Variants in EGFLAM observed in about 807,000 individuals in gnomAD.
EGFLAM encodes the protein pikachurin.
Under a neutral mutation model 113.1 loss-of-function variants are expected in EGFLAM, and 79 were observed. The ratio of observed to expected loss-of-function variants is 0.70; its 90% CI spans 0.58 to 0.84. EGFLAM has a LOEUF of 0.84. Among genes scored for constraint, EGFLAM ranks in the 40% least tolerant of loss-of-function variants. The pLI is 0.00. For synonymous variants in EGFLAM, 504 were observed against 487.6 expected (o/e 1.03, Z -0.44); for missense variants, 1,265 against 1,291.6 (o/e 0.98, Z 0.32).
At chr5:38,337,463 T>C in intron 1 of EGFLAM, 57 bp from the exon 2 acceptor site, 1 of 1,420,696 alleles carries the variant, frequency 7.0e-7, no homozygotes, top group Non-Finnish European at 9.6e-7. Context: ...CTTGTGTAAG[T>C]ATACTCAAGG....
chr5:38,353,705 C>A (rs1464609965), intron 5 of EGFLAM, among the ~76,000 whole-genome samples: 1 of 152,188 alleles, frequency 6.6e-6, no homozygotes, highest in Non-Finnish European at 1.5e-5. Flanking sequence ...ACTGAAAAGT[C>A]CAGCAGCAAA....
chr5:38,421,648 A>T (rs1486488298), intron 12 of EGFLAM, among the ~76,000 whole-genome samples: 4 of 152,238 alleles, frequency 2.6e-5, no homozygotes, highest in Non-Finnish European at 5.9e-5. Flanking sequence ...TATAGTAATC[A>T]CACAGTGAAG....
At chr5:38,456,098 C>T (rs115745049) in intron 19 of EGFLAM, among the ~76,000 whole-genome samples, 1,797 of 152,260 alleles carry the variant, frequency 0.012, 38 homozygotes, top group African/African-American at 0.04. Flanking sequence ...CATTGTCAAC[C>T]CCGTATCCAA....
Position 38,403,807 on chromosome 5 carries a change from G to C in EGFLAM, c.713-2319G>C, listed in dbSNP as rs1220590288. On this transcript the variant is annotated intron_variant, in intron 6 of 21. Transcript: ENST00000322350. ...GTACAAAGATAGAGACAAGAGGAAG[G>C]AGCTGTCCTCAAGGGCCTTTTGTGT... 2.6e-5 allele frequency: 42 copies of C among 1,612,866 alleles called. 1 individual carries two copies. The highest frequency in any genetic ancestry group is 3.5e-5 in the Non-Finnish European group (41 of 1,179,290).
At chr5:38,273,982 G>C (rs1161214848) in intron 1 of EGFLAM, among the ~76,000 whole-genome samples, 1 of 152,042 alleles carries the variant, frequency 6.6e-6, no homozygotes, top group Admixed American at 6.6e-5. Context: ...TAAATGAAAT[G>C]AAGAAAAGAA....
intron 5 of EGFLAM, among the ~76,000 whole-genome samples, chr5:38,352,573 G>C (rs1165544950): frequency 6.6e-6 from 1 of 151,898 alleles, no homozygotes; most frequent in Non-Finnish European, 1.5e-5. Flanking sequence ...CTTGAACCCA[G>C]GAGGTGGAGG....
intron 6 of EGFLAM, among the ~76,000 whole-genome samples, chr5:38,375,621 G>A (rs1355158397): frequency 2.0e-5 from 3 of 152,194 alleles, no homozygotes; most frequent in Non-Finnish European, 4.4e-5. Context: ...TTCCCACTGG[G>A]CCTATTAATG....
chr5:38,403,793 G>A (rs776842734), intron 6 of EGFLAM: 13 of 1,610,556 alleles, frequency 8.1e-6, no homozygotes, highest in Non-Finnish European at 1.1e-5. Flanking sequence ...TACAAAGATA[G>A]AGACAAGAGG....
Position 38,448,297 on chromosome 5 carries a change from C to T in EGFLAM, c.2465-4C>T. On this transcript the variant is annotated splice_polypyrimidine_tract_variant and splice_region_variant and intron_variant, in intron 17 of 21. Coordinates refer to ENST00000322350, the MANE Select transcript of EGFLAM (RefSeq NM_152403.4). ...TGTAACCTCCTTTTTCTGTTCTGTC[C>T]CAGCGATCATAGAAGCCATTGAGAT... The T allele has an allele frequency of 6.2e-7, 1 of 1,614,098 alleles. No individual in the cohort carries two copies. Among genetic ancestry groups the T allele is most frequent in the Non-Finnish European group, 8.5e-7 (1 of 1,180,014 alleles).
At chr5:38,316,601 T>C (rs369494069) in intron 1 of EGFLAM, among the ~76,000 whole-genome samples, 2 of 152,164 alleles carry the variant, frequency 1.3e-5, no homozygotes, top group African/African-American at 4.8e-5. Context: ...CATTCCCCCA[T>C]TTTTGTGATT....
At chr5:38,383,895 A>G (rs113070916) in intron 6 of EGFLAM, among the ~76,000 whole-genome samples, 71 of 152,172 alleles carry the variant, frequency 4.7e-4, no homozygotes, top group African/African-American at 1.6e-3. Flanking sequence ...TCACAGAAAG[A>G]GGCCCACGTG....
intron 1 of EGFLAM, among the ~76,000 whole-genome samples, chr5:38,312,445 T>C (rs950644909): frequency 6.6e-6 from 1 of 151,926 alleles, no homozygotes; most frequent in African/African-American, 2.4e-5. Flanking sequence ...TTTCACCATG[T>C]TAGCCAGGAT....
rs752025232 is a variant in EGFLAM at position 38,435,217 on chromosome 5, G to A, written c.2247G>A (p.Ser749=). Residue 749 remains serine (S), a synonymous_variant, in exon 16 of 22, where the codon TCG becomes TCA. Transcript: ENST00000322350. The part of the protein sequence containing the change: ...VPNYDDVKKN[S]GVLKPFSGSI... ...ATTATGATGATGTGAAGAAGAACTCGGGTGTCCTGAAGCCTTTCAGCGGGA... is the reference window on the plus strand; with the variant it reads ...ATTATGATGATGTGAAGAAGAACTCAGGTGTCCTGAAGCCTTTCAGCGGGA... 5.0e-6 allele frequency: 8 copies of A among 1,613,952 alleles called. No homozygotes were observed. The highest frequency in any genetic ancestry group is 2.2e-5 in the East Asian group (1 of 44,886).
Position 38,264,092 on chromosome 5 carries a change from C to G in EGFLAM, c.97+5241C>G, listed in dbSNP as rs369882707. The stretch of plus-strand genomic sequence containing the variant: ...GGGAAGGATTCCTGGGGTTAAAGAC[C>G]GGTGCTCCCAGGCTTAGAGCCTGGG... On this transcript the variant is annotated intron_variant, in intron 1 of 21. Coordinates refer to ENST00000322350, the MANE Select transcript of EGFLAM (RefSeq NM_152403.4). 7.9e-5 allele frequency among the ~76,000 whole-genome samples: 12 copies of G among 152,280 alleles called. No individual in the cohort carries two copies. In the East Asian group the frequency reaches 2.3e-3, roughly 29 times the overall value.
intron 1 of EGFLAM, among the ~76,000 whole-genome samples, chr5:38,296,188 A>G (rs918038089): frequency 6.6e-6 from 1 of 152,180 alleles, no homozygotes; most frequent in Non-Finnish European, 1.5e-5. Flanking sequence ...TAGGAAGAAG[A>G]GTTGTCTCCA....
chr5:38,294,808 T>C (rs1295470650), intron 1 of EGFLAM, among the ~76,000 whole-genome samples: 1 of 150,794 alleles, frequency 6.6e-6, no homozygotes, highest in Non-Finnish European at 1.5e-5. Flanking sequence ...CCTTGATTTA[T>C]TTTAAAAAGC....
At chr5:38,338,189 A>G (rs1739234956) in intron 2 of EGFLAM, among the ~76,000 whole-genome samples, 1 of 152,054 alleles carries the variant, frequency 6.6e-6, no homozygotes, top group African/African-American at 2.4e-5. Context: ...ATATGGGGAG[A>G]GCTGGCCACA....
In EGFLAM at chr5:38,403,797, CAA is replaced by C; in HGVS notation, c.713-2328_713-2327del. 6.2e-6 allele frequency: 10 copies of C among 1,611,446 alleles called. No homozygotes were observed. In the South Asian group the frequency reaches 1.1e-4, roughly 18 times the overall value. ...ACTGCTTGCTGTACAAAGATAGAGA[CAA>C]GAGGAAGGAGCTGTCCTCAAGGGCC... is the stretch of plus-strand genomic sequence containing the variant. On this transcript the variant is annotated intron_variant, in intron 6 of 21. Coordinates refer to ENST00000322350, the MANE Select transcript of EGFLAM (RefSeq NM_152403.4).
At chr5:38,295,319 T>C (rs1412866214) in intron 1 of EGFLAM, among the ~76,000 whole-genome samples, 1 of 152,246 alleles carries the variant, frequency 6.6e-6, no homozygotes, top group Non-Finnish European at 1.5e-5. Flanking sequence ...ATTCACTTTT[T>C]ATTAGTTTGA....
Sources: gnomAD v4.1 joint callset for allele counts (sites outside exome capture counted in the v4.1 genomes callset) on GRCh38, gnomAD v4.1.1 for gene constraint, MANE v1.5 for transcripts, NCBI Gene and HGNC (gene_info 2026-07-23, HGNC 2026-07-21) for gene names.